The following PLCB4 variants were observed in gnomAD, a reference collection of about 807,000 sequenced individuals.
PLCB4 encodes 1-phosphatidylinositol 4,5-bisphosphate phosphodiesterase beta-4.
In PLCB4, 77 loss-of-function variants were observed where a neutral mutation model predicts 178.8. The observed-to-expected ratio is 0.43, with a 90% CI of 0.36 to 0.52. PLCB4 has a LOEUF of 0.52. PLCB4 is among the 20% of genes least tolerant of loss of function. PLCB4 has a pLI of 0.00. For synonymous variants in PLCB4, 496 were observed against 490.8 expected, an observed-to-expected ratio of 1.01 and a Z score of -0.14; for missense variants, 1,024 against 1,453.4, an observed-to-expected ratio of 0.70 and a Z score of 4.80.
At chr20:9,398,549 G>A (rs2038780610) in intron 19 of PLCB4, among the ~76,000 whole-genome samples, 1 of 152,076 alleles carries the variant, frequency 6.6e-6, no homozygotes, top group Non-Finnish European at 1.5e-5. Context: ...CGATAATCCA[G>A]TAAAACAAAC....
intron 7 of PLCB4, among the ~76,000 whole-genome samples, chr20:9,339,936 G>T (rs748675756): frequency 9.9e-5 from 15 of 152,152 alleles, no homozygotes; most frequent in Non-Finnish European, 2.1e-4. Flanking sequence ...TTTACAGGGT[G>T]ATTTTACCTC....
chr20:9,241,979 G>A (rs1036192676), intron 3 of PLCB4, among the ~76,000 whole-genome samples: 1 of 152,160 alleles, frequency 6.6e-6, no homozygotes, highest in African/African-American at 2.4e-5. Context: ...TGGCCTCTCA[G>A]CCTCTATCAG....
chr20:9,215,368 G>A (rs1324877526), intron 2 of PLCB4, among the ~76,000 whole-genome samples: 1 of 152,142 alleles, frequency 6.6e-6, no homozygotes, highest in African/African-American at 2.4e-5. Context: ...GAGGGTGCCT[G>A]GGTTTGAATG....
chr20:9,267,902 T>C (rs2094365079), intron 3 of PLCB4, among the ~76,000 whole-genome samples: 1 of 152,078 alleles, frequency 6.6e-6, no homozygotes, highest in Non-Finnish European at 1.5e-5. Context: ...CTGACCATGG[T>C]AGCATGCCTC....
chr20:9,220,000 G>C (rs1236181509), intron 3 of PLCB4, among the ~76,000 whole-genome samples: 2 of 151,808 alleles, frequency 1.3e-5, no homozygotes, highest in Non-Finnish European at 2.9e-5. Context: ...TATATGTCAC[G>C]TTCAATTTAG....
At chr20:9,088,861 A>G (rs1435962163) in intron 1 of PLCB4, among the ~76,000 whole-genome samples, 1 of 152,124 alleles carries the variant, frequency 6.6e-6, no homozygotes. Flanking sequence ...ATATATGTAA[A>G]TGTGTACTTT....
intron 20 of PLCB4, among the ~76,000 whole-genome samples, chr20:9,401,990 C>A (rs951334743): frequency 4.6e-5 from 7 of 152,134 alleles, no homozygotes; most frequent in Non-Finnish European, 1.0e-4. Flanking sequence ...ATATACCTTC[C>A]CCCTAAAGTA....
At chr20:9,473,399 C>A in intron 38 of PLCB4, 34 bp downstream of exon 38, 4 of 1,243,414 alleles carry the variant, frequency 3.2e-6, no homozygotes, top group Non-Finnish European at 4.7e-6. Flanking sequence ...AACATGCAGG[C>A]AGCTAGCCAG....
chr20:9,174,051 A>G (rs6056444), intron 2 of PLCB4, among the ~76,000 whole-genome samples: 1 of 152,166 alleles, frequency 6.6e-6, no homozygotes, highest in South Asian at 2.1e-4. Flanking sequence ...TTTAAATGCT[A>G]TATTAAATAA....
At chr20:9,100,290 T>C (rs992798027) in intron 2 of PLCB4, among the ~76,000 whole-genome samples, 2 of 152,160 alleles carry the variant, frequency 1.3e-5, no homozygotes, top group Non-Finnish European at 2.9e-5. Context: ...TTCCCATGAG[T>C]ATAAGGAGCT....
chr20:9,249,142 G>C (rs888909115), intron 3 of PLCB4, among the ~76,000 whole-genome samples: 2 of 152,044 alleles, frequency 1.3e-5, no homozygotes, highest in South Asian at 2.1e-4. Flanking sequence ...TTGAGTCCAC[G>C]TGGATAATCT....
intron 20 of PLCB4, among the ~76,000 whole-genome samples, chr20:9,403,025 GA>G (rs2148474830): frequency 6.6e-6 from 1 of 152,258 alleles, no homozygotes; most frequent in South Asian, 2.1e-4. Context: ...AAGTGAAGAC[GA>G]TAACACCTAT....
At chr20:9,275,117 C>T (rs879263371) in intron 3 of PLCB4, among the ~76,000 whole-genome samples, 3 of 151,908 alleles carry the variant, frequency 2.0e-5, no homozygotes, top group African/African-American at 7.3e-5. Context: ...AAAACATACC[C>T]GAGTCTGGGA....
chr20:9,444,788 A>G (rs1012118248), intron 32 of PLCB4, among the ~76,000 whole-genome samples: 1 of 152,126 alleles, frequency 6.6e-6, no homozygotes, highest in African/African-American at 2.4e-5. Flanking sequence ...TATTTCACTA[A>G]TAACATGACT....
At chr20:9,159,158 T>C (rs1295257980) in intron 2 of PLCB4, among the ~76,000 whole-genome samples, 4 of 152,174 alleles carry the variant, frequency 2.6e-5, no homozygotes, top group Admixed American at 1.3e-4. Flanking sequence ...TGGGAAGATG[T>C]ATGGGTGATT....
At chr20:9,312,951 C>T (rs554472383) in intron 4 of PLCB4, among the ~76,000 whole-genome samples, 12 of 152,280 alleles carry the variant, frequency 7.9e-5, no homozygotes, top group East Asian at 7.7e-4. Flanking sequence ...TATTAAACTT[C>T]GAAGAATCTA....
intron 2 of PLCB4, among the ~76,000 whole-genome samples, chr20:9,213,572 A>T (rs1276527713): frequency 6.6e-6 from 1 of 152,212 alleles, no homozygotes; most frequent in Non-Finnish European, 1.5e-5. Flanking sequence ...CAGTTGATGG[A>T]CATTGGGATT....
chr20:9,419,263 A>G (rs1375386635), intron 25 of PLCB4, among the ~76,000 whole-genome samples: 1 of 152,136 alleles, frequency 6.6e-6, no homozygotes, highest in Non-Finnish European at 1.5e-5. Flanking sequence ...GTAGACAACA[A>G]TCCACAGTCA....
chr20:9,409,177 C>A lies in PLCB4; in HGVS notation c.1995C>A (p.Thr665=). 1.9e-6 allele frequency: 3 copies of A among 1,596,340 alleles called. No homozygotes were observed. The highest frequency in any genetic ancestry group is 2.6e-6 in the Non-Finnish European group (3 of 1,175,962). Residue 665 remains threonine (T), a synonymous_variant, in exon 24 of 40, where the codon ACC becomes ACA. Coordinates refer to ENST00000378473, the MANE Select transcript of PLCB4 (RefSeq NM_001377142.1). ...GCQMVSLNYQ[T]PDLAMQLNQG... ...AGATGGTTTCACTGAACTATCAAACCCCAGGTAGGAGCTGATGTCCAGTGA... is the reference window on the plus strand; with the variant it reads ...AGATGGTTTCACTGAACTATCAAACACCAGGTAGGAGCTGATGTCCAGTGA...
Sources: allele counts gnomAD v4.1 joint callset (sites outside exome capture counted in the v4.1 genomes callset), GRCh38; gene constraint gnomAD v4.1.1; transcripts MANE v1.5; gene names NCBI Gene and HGNC (gene_info 2026-07-23, HGNC 2026-07-21).